The following HPSE2 variants were observed in gnomAD, a reference collection of about 807,000 sequenced individuals.
The protein encoded by HPSE2 is inactive heparanase-2.
A neutral mutation model predicts 60.5 loss-of-function variants in HPSE2; 38 were observed. That is an observed-to-expected ratio of 0.63 (90% CI 0.48 to 0.82). The LOEUF (loss-of-function observed/expected upper bound fraction) is 0.82, where lower values mean the gene tolerates loss of function less well. HPSE2 is among the 40% of genes least tolerant of loss of function. The pLI is 0.00. For synonymous variants in HPSE2, 295 were observed against 293.2 expected (o/e 1.01, Z -0.06); for missense variants, 713 against 740.4 (o/e 0.96, Z 0.43).
At chr10:99,225,859 C>G (rs1420393273) in intron 2 of HPSE2, among the ~76,000 whole-genome samples, 1 of 152,024 alleles carries the variant, frequency 6.6e-6, no homozygotes, top group Non-Finnish European at 1.5e-5. Context: ...CACACATGTA[C>G]TTTCTTTTTC....
chr10:98,744,229 T>C (rs1245482450), intron 3 of HPSE2, among the ~76,000 whole-genome samples, 173 bp from the exon 4 acceptor site: 1 of 152,108 alleles, frequency 6.6e-6, no homozygotes, highest in East Asian at 1.9e-4. Context: ...AAGTTGACTT[T>C]AGAAAGCAGC....
chr10:98,512,812 AACACACACAC>A (rs71007394), intron 9 of HPSE2, among the ~76,000 whole-genome samples: 2 of 124,546 alleles, frequency 1.6e-5, no homozygotes, highest in African/African-American at 5.7e-5. Context: ...CCCACCCCCC[AACACACACAC>A]ACACACACAC....
chr10:99,054,110 A>G (rs1958054811), intron 3 of HPSE2, among the ~76,000 whole-genome samples: 1 of 152,068 alleles, frequency 6.6e-6, no homozygotes, highest in Non-Finnish European at 1.5e-5. Flanking sequence ...AGGCTGGTGA[A>G]AGTCACTGTA....
chr10:98,741,925 T>C (rs12221074), intron 4 of HPSE2, among the ~76,000 whole-genome samples: 21,645 of 152,098 alleles, frequency 0.14, 1,926 homozygotes, highest in Admixed American at 0.23. Flanking sequence ...GAGCCTGATA[T>C]TTGAGGAGGG....
chr10:98,546,962 AAAAC>A (rs879944930), intron 9 of HPSE2, among the ~76,000 whole-genome samples: 101 of 150,152 alleles, frequency 6.7e-4, no homozygotes, highest in Non-Finnish European at 1.2e-3. Flanking sequence ...TTACAAGAAA[AAAAC>A]AAACAACCCT....
intron 3 of HPSE2, among the ~76,000 whole-genome samples, chr10:98,890,940 T>C (rs1953318787): frequency 6.6e-6 from 1 of 152,234 alleles, no homozygotes; most frequent in Non-Finnish European, 1.5e-5. Flanking sequence ...AACTTTCTTA[T>C]TGCAATTTGA....
chr10:99,308,379 C>CAAAAAAAA, the HPSE2 span, among the ~76,000 whole-genome samples: 247 of 28,082 alleles, frequency 8.8e-3, 30 homozygotes, highest in Non-Finnish European at 0.01. Context: ...GACTCTGTCT[C>CAAAAAAAA]AAAAAAAAAA....
chr10:99,197,882 C>A (rs1291779088), intron 2 of HPSE2, among the ~76,000 whole-genome samples: 1 of 152,032 alleles, frequency 6.6e-6, no homozygotes, highest in Non-Finnish European at 1.5e-5. Context: ...CCAACCATGG[C>A]CAACATGGTG....
chr10:99,086,905 T>C (rs1843341325), intron 3 of HPSE2, among the ~76,000 whole-genome samples: 1 of 152,228 alleles, frequency 6.6e-6, no homozygotes, highest in Non-Finnish European at 1.5e-5. Flanking sequence ...ATTATCATCC[T>C]ATTTGTTCAG....
rs566983068 is a variant in HPSE2, at chr10:99,078,582, T to C, written c.610+65656A>G. On this transcript the variant is annotated intron_variant, in intron 3 of 11. Transcript: ENST00000370552. Reference sequence around the variant, plus strand: ...TGCATATATTGCATGATGCTGAGCCTTGGGATATAAATTTTTAAAAAATAT... The same window carrying C: ...TGCATATATTGCATGATGCTGAGCCCTGGGATATAAATTTTTAAAAAATAT... Among the ~76,000 whole-genome samples, 3 of 152,300 alleles carry C rather than the reference T, an allele frequency of 2.0e-5. No homozygotes were observed. The East Asian group carries it at 5.8e-4, about 29-fold the overall frequency.
intron 2 of HPSE2, among the ~76,000 whole-genome samples, chr10:99,145,314 G>A (rs945461964): frequency 1.3e-5 from 2 of 151,936 alleles, no homozygotes; most frequent in South Asian, 4.2e-4. Flanking sequence ...AAAACTAGTC[G>A]GGTGTGGTGG....
chr10:98,472,502 C>T (rs573854052), intron 11 of HPSE2, among the ~76,000 whole-genome samples: 22 of 152,322 alleles, frequency 1.4e-4, no homozygotes, highest in Middle Eastern at 3.4e-3. Flanking sequence ...GATTCTAAGT[C>T]TTGCTTTGTA....
At chr10:98,860,433 C>T (rs553540911) in intron 3 of HPSE2, among the ~76,000 whole-genome samples, 2 of 152,156 alleles carry the variant, frequency 1.3e-5, no homozygotes, top group African/African-American at 2.4e-5. Flanking sequence ...TACCTCTCCC[C>T]GACAAGAAAA....
intron 7 of HPSE2, among the ~76,000 whole-genome samples, chr10:98,622,104 G>T (rs897517295): frequency 2.0e-5 from 3 of 152,056 alleles, no homozygotes; most frequent in Admixed American, 2.0e-4. Context: ...CTAGAAGAAT[G>T]GAAAAATAAA....
chr10:98,494,256 C>A (rs868821116), intron 9 of HPSE2, among the ~76,000 whole-genome samples: 1 of 152,174 alleles, frequency 6.6e-6, no homozygotes, highest in African/African-American at 2.4e-5. Context: ...TATAACCTGA[C>A]GCATCCACCC....
chr10:99,054,752 C>T (rs1589583979), intron 3 of HPSE2, among the ~76,000 whole-genome samples: 2 of 152,224 alleles, frequency 1.3e-5, no homozygotes, highest in East Asian at 1.9e-4. Context: ...GCACTGTGGC[C>T]CAGGCTGGAG....
rs1940189421 is a variant in HPSE2, at chr10:98,459,607, C to T, written c.1746G>A (p.Lys582=). The change falls in exon 12 of 12, where the codon AAG becomes AAA. Residue 582 remains lysine (K), a synonymous_variant. Coordinates refer to ENST00000370552, the MANE Select transcript of HPSE2 (RefSeq NM_021828.5). ...AGCGGCAGGCCAAAGCATTGACATT[C>T]TTGACCACATAAAAGCCCATGGTGA... ...PPVTMGFYVV[K]NVNALACRYR The T allele has an allele frequency of 6.2e-7, 1 of 1,614,180 alleles. No individual in the cohort carries two copies. Among genetic ancestry groups the T allele is most frequent in the Non-Finnish European group, 8.5e-7 (1 of 1,180,016 alleles).
intron 6 of HPSE2, among the ~76,000 whole-genome samples, chr10:98,677,525 C>T (rs993414534): frequency 5.3e-5 from 8 of 152,114 alleles, no homozygotes; most frequent in Non-Finnish European, 7.4e-5. Flanking sequence ...CTGAGCCAAA[C>T]GCTTTTCATA....
chr10:98,467,265 T>C (rs1177381958), intron 11 of HPSE2, among the ~76,000 whole-genome samples: 1 of 152,190 alleles, frequency 6.6e-6, no homozygotes, highest in Non-Finnish European at 1.5e-5. Flanking sequence ...TGTGTCTTAC[T>C]CATCCGTCAC....
Sources: gnomAD v4.1 joint callset for allele counts (sites outside exome capture counted in the v4.1 genomes callset) on GRCh38, gnomAD v4.1.1 for gene constraint, MANE v1.5 for transcripts, NCBI Gene and HGNC (gene_info 2026-07-23, HGNC 2026-07-21) for gene names.